VRK3: variants seen among roughly 807,000 people sequenced by gnomAD.
The protein encoded by VRK3 is VRK serine/threonine kinase 3.
In VRK3, 50 loss-of-function variants were observed where a neutral mutation model predicts 60.4. That is an observed-to-expected ratio of 0.83 (90% CI 0.66 to 1.05). The LOEUF is 1.05. Ranked by LOEUF, VRK3 falls within the 50% of genes least tolerant of loss-of-function variation. VRK3 has a pLI of 0.00. For synonymous variants in VRK3, 246 were observed against 227.8 expected (o/e 1.08, Z -0.72); for missense variants, 549 against 585.3 (o/e 0.94, Z 0.64).
intron 1 of VRK3, among the ~76,000 whole-genome samples, chr19:50,023,637 G>A (rs1238961888): frequency 6.6e-6 from 1 of 152,158 alleles, no homozygotes; most frequent in African/African-American, 2.4e-5. Flanking sequence ...AGTGTGCCCA[G>A]AGCCTCAAAC....
intron 8 of VRK3, 92 bp from the exon 9 acceptor site, chr19:49,995,011 GT>G: frequency 7.4e-7 from 1 of 1,344,078 alleles, no homozygotes; most frequent in Non-Finnish European, 1.0e-6. Context: ...GGGCTGCAAG[GT>G]CCTGGTCCCA....
At chr19:49,989,102 C>A (rs754504972) in intron 11 of VRK3, among the ~76,000 whole-genome samples, 3 of 152,164 alleles carry the variant, frequency 2.0e-5, no homozygotes, top group Non-Finnish European at 2.9e-5. Flanking sequence ...CATCCCTGTA[C>A]TGGGGGAGCT....
intron 5 of VRK3, among the ~76,000 whole-genome samples, chr19:50,004,214 T>C (rs907977299): frequency 6.6e-6 from 1 of 151,986 alleles, no homozygotes; most frequent in Non-Finnish European, 1.5e-5. Context: ...AGGTCAAGCG[T>C]GGTTTCTTCT....
At chr19:50,007,427 T>A in intron 5 of VRK3, 142 bp downstream of exon 5, 2 of 1,298,578 alleles carry the variant, frequency 1.5e-6, no homozygotes, top group Admixed American at 2.0e-5. Flanking sequence ...AGGTATAGAG[T>A]CCAAGGTCTA....
intron 7 of VRK3, 35 bp from the exon 8 acceptor site, chr19:49,995,310 C>T (rs1296988556): frequency 1.3e-6 from 2 of 1,599,598 alleles, no homozygotes; most frequent in African/African-American, 2.7e-5. Flanking sequence ...TAGAACCCAC[C>T]CAGTCCCAAG....
intron 7 of VRK3, among the ~76,000 whole-genome samples, chr19:49,995,915 AT>A (rs963663700): frequency 1.3e-5 from 2 of 150,884 alleles, no homozygotes; most frequent in African/African-American, 4.9e-5. Flanking sequence ...GGCCCAGCTA[AT>A]TTTTTTTTAT....
intron 12 of VRK3, among the ~76,000 whole-genome samples, chr19:49,983,322 G>A (rs1019219463): frequency 2.0e-5 from 3 of 152,202 alleles, no homozygotes; most frequent in African/African-American, 7.2e-5. Flanking sequence ...CCTGAGCTCT[G>A]GCAGGTGGCT....
At chr19:49,990,838 G>A (rs904804025) in intron 10 of VRK3, among the ~76,000 whole-genome samples, 2 of 151,870 alleles carry the variant, frequency 1.3e-5, no homozygotes, top group African/African-American at 4.8e-5. Context: ...AGGTTGGAGT[G>A]CAGTGGTATG....
At chr19:50,017,045 T>A (rs1164334547) in intron 2 of VRK3, among the ~76,000 whole-genome samples, 1 of 151,552 alleles carries the variant, frequency 6.6e-6, no homozygotes, top group East Asian at 1.9e-4. Flanking sequence ...CAAAAAAAAA[T>A]TAGCTAGGTG....
intron 5 of VRK3, among the ~76,000 whole-genome samples, chr19:50,006,906 G>C (rs904784779): frequency 5.9e-5 from 9 of 152,110 alleles, no homozygotes; most frequent in Admixed American, 5.2e-4. Flanking sequence ...CCCACACCTG[G>C]GTGAGCGGAT....
At chr19:49,988,272 C>G (rs2076551201) in intron 12 of VRK3, 100 bp downstream of exon 12, 1 of 1,503,660 alleles carries the variant, frequency 6.7e-7, no homozygotes, top group African/African-American at 1.4e-5. Flanking sequence ...CTGGATGCCA[C>G]CTCCCCTTCC....
intron 3 of VRK3, among the ~76,000 whole-genome samples, chr19:50,015,117 G>A (rs2077054277): frequency 6.6e-6 from 1 of 152,078 alleles, no homozygotes; most frequent in African/African-American, 2.4e-5. Context: ...CATGGCAATG[G>A]GGAAGTCTAG....
intron 11 of VRK3, 110 bp downstream of exon 11, chr19:49,989,529 T>C (rs1418998681): frequency 2.1e-6 from 3 of 1,414,794 alleles, no homozygotes; most frequent in Non-Finnish European, 2.8e-6. Context: ...CCTGGCGCCC[T>C]TAGTGCCTCT....
At chr19:49,980,007 G>A (rs927715314) in intron 13 of VRK3, among the ~76,000 whole-genome samples, 5 of 151,892 alleles carry the variant, frequency 3.3e-5, no homozygotes, top group East Asian at 1.9e-4. Flanking sequence ...CCAAGATCAC[G>A]CCACCGCACT....
chr19:50,007,112 C>G (rs1302136529), intron 5 of VRK3, among the ~76,000 whole-genome samples: 1 of 152,238 alleles, frequency 6.6e-6, no homozygotes, highest in Non-Finnish European at 1.5e-5. Context: ...ACAGAGACCC[C>G]TATTATGTAA....
At position 50,016,136 on chromosome 19, in the gene VRK3, G is replaced by T. The variant is rs2077073129; in HGVS notation, c.27C>A (p.Gly9=). The part of the protein sequence containing the change: MISFCPDC[G]KSIQAAFKFC... ...ATTTGAATGCCGCTTGGATACTTTT[G>T]CCACAGTCTGGACAGAAGGAGATCA... The change falls in exon 3 of 15, where the codon GGC becomes GGA. Residue 9 remains glycine (G), a synonymous_variant. Transcript: ENST00000316763. 3 of 1,614,070 alleles carry T rather than the reference G, an allele frequency of 1.9e-6. No individual in the cohort carries two copies. The highest frequency in any genetic ancestry group is 2.5e-6 in the Non-Finnish European group (3 of 1,180,062).
intron 2 of VRK3, 133 bp downstream of exon 2, chr19:50,020,452 C>T (rs1008693218): frequency 7.9e-5 from 12 of 152,202 alleles, no homozygotes; most frequent in African/African-American, 2.2e-4. Context: ...CCAGGTGAGC[C>T]CTGCCATACC....
At chr19:50,005,180 T>C (rs1347141912) in intron 5 of VRK3, among the ~76,000 whole-genome samples, 1 of 149,026 alleles carries the variant, frequency 6.7e-6, no homozygotes, top group Admixed American at 6.6e-5. Context: ...ACTTTTCCAG[T>C]GGAGGACATC....
At position 49,982,748 on chromosome 19, in the gene VRK3, TACATACACAC is replaced by T. The variant is rs532956717; in HGVS notation, c.1218-1745_1218-1736del. On this transcript the variant is annotated intron_variant, in intron 12 of 14. Transcript: ENST00000316763. The stretch of plus-strand genomic sequence containing the variant: ...GAATAATCAGGACTGACTGTATATG[TACATACACAC>T]ACATACACATATATGTATAACACAA... 9.8e-5 allele frequency among the ~76,000 whole-genome samples: 15 copies of T among 152,328 alleles called. No homozygotes were observed. In the South Asian group the frequency reaches 2.7e-3, roughly 27 times the overall value.
Sources: gnomAD v4.1 joint callset for allele counts (sites outside exome capture counted in the v4.1 genomes callset) on GRCh38, gnomAD v4.1.1 for gene constraint, MANE v1.5 for transcripts, NCBI Gene and HGNC (gene_info 2026-07-23, HGNC 2026-07-21) for gene names.